CHL1: variants seen among roughly 807,000 people sequenced by gnomAD.
The protein encoded by CHL1 is neural cell adhesion molecule L1-like protein.
CHL1 carries 96 observed loss-of-function variants against 141.9 expected under a neutral mutation model. That is an observed-to-expected ratio of 0.68 (90% CI 0.57 to 0.80). CHL1 has a LOEUF of 0.80. Among genes scored for constraint, CHL1 ranks in the 30% least tolerant of loss-of-function variants. The pLI is 0.00. For synonymous variants in CHL1, 613 were observed against 502.2 expected (o/e 1.22, Z -2.95); for missense variants, 1,820 against 1,457.2 (o/e 1.25, Z -4.05).
chr3:281,080 T>C (rs770413226), intron 2 of CHL1, among the ~76,000 whole-genome samples: 114 of 152,340 alleles, frequency 7.5e-4, no homozygotes, highest in Non-Finnish European at 1.5e-3. Flanking sequence ...TGACTTGTAT[T>C]ACTGGTTTCT....
rs767318584 is a variant in CHL1, at chr3:394,702, C to A, written c.2924C>A (p.Thr975Asn). The A allele has an allele frequency of 1.2e-5, 19 of 1,607,590 alleles. No individual in the cohort carries two copies. The East Asian group carries it at 4.2e-4, about 36-fold the overall frequency. The change falls in exon 24 of 28, where the codon ACC becomes AAC. Residue 975 changes from threonine to asparagine, a missense_variant. Transcript: ENST00000256509. The part of the protein sequence containing the change: ...YLLQYQIIND[T>N]YEIGELNDIN... ...ATGTTTATTTTTTTAGTAAATGACA[C>A]CTACGAGATTGGAGAATTAAATGAT...
At chr3:249,154 G>A (rs1187300560) in intron 2 of CHL1, among the ~76,000 whole-genome samples, 1 of 152,192 alleles carries the variant, frequency 6.6e-6, no homozygotes, top group African/African-American at 2.4e-5. Context: ...TCTTGGAAAG[G>A]AAACAAACCA....
At chr3:248,664 G>A (rs1693404766) in intron 2 of CHL1, 1 of 152,020 alleles carries the variant, frequency 6.6e-6, no homozygotes, top group African/African-American at 2.4e-5. Flanking sequence ...AATCTTCATA[G>A]CCTTTTTTTA....
chr3:395,013 T>A, intron 24 of CHL1, 141 bp downstream of exon 24: 1 of 698,640 alleles, frequency 1.4e-6, no homozygotes, highest in Non-Finnish European at 2.3e-6. Flanking sequence ...TGACCTTCTG[T>A]TTTCCACTGA....
chr3:363,578 A>C, intron 14 of CHL1, 195 bp downstream of exon 14: 1 of 480,240 alleles, frequency 2.1e-6, no homozygotes, highest in Non-Finnish European at 3.7e-6. Flanking sequence ...ATATGTGCAC[A>C]GCTTCATCCT....
At chr3:319,013 T>C (rs1700348133) in intron 2 of CHL1, among the ~76,000 whole-genome samples, 1 of 151,716 alleles carries the variant, frequency 6.6e-6, no homozygotes, top group Non-Finnish European at 1.5e-5. Flanking sequence ...TGCAGCAACA[T>C]GGATGCACCT....
chr3:239,487 A>G (rs944531815), intron 1 of CHL1, among the ~76,000 whole-genome samples: 1 of 152,018 alleles, frequency 6.6e-6, no homozygotes, highest in Non-Finnish European at 1.5e-5. Context: ...TGAAGCTATG[A>G]CATTCATACT....
chr3:317,103 G>T (rs987365442), intron 2 of CHL1, among the ~76,000 whole-genome samples: 4 of 151,952 alleles, frequency 2.6e-5, no homozygotes, highest in Admixed American at 1.3e-4. Flanking sequence ...TTATGTTGTA[G>T]CCTGTGAACA....
chr3:407,279 A>G lies in CHL1; in HGVS notation c.*1568A>G, dbSNP rs1709588199. 6.6e-6 allele frequency: 1 copy of G among 152,068 alleles called. No individual in the cohort carries two copies. The highest frequency in any genetic ancestry group is 2.1e-4 in the South Asian group (1 of 4,826). 9.4% of individuals were successfully genotyped at this position (152,068 alleles called of 1,614,324 possible). A position where few individuals can be genotyped will look rare whatever the true frequency, so the allele number is the denominator to read the frequency against. Reference sequence around the variant, plus strand: ...GTATACTGTTATATCCTCAACTTGGATTTATGGTAACCCCTTATAGTTCAT... The same window carrying G: ...GTATACTGTTATATCCTCAACTTGGGTTTATGGTAACCCCTTATAGTTCAT... On this transcript the variant is annotated 3_prime_UTR_variant, in exon 28 of 28. Coordinates refer to ENST00000256509, the MANE Select transcript of CHL1 (RefSeq NM_006614.4).
chr3:347,417 G>A (rs1702856590), intron 9 of CHL1, among the ~76,000 whole-genome samples: 1 of 152,048 alleles, frequency 6.6e-6, no homozygotes. Context: ...TAAAAAAATT[G>A]GCAAGAATAG....
Position 407,012 on chromosome 3 carries a change from T to C in CHL1, c.*1301T>C, listed in dbSNP as rs1007609770. On this transcript the variant is annotated 3_prime_UTR_variant, in exon 28 of 28. Coordinates refer to ENST00000256509, the MANE Select transcript of CHL1 (RefSeq NM_006614.4). ...TGTGGTGAGAATTTTTTCCCCGATA[T>C]TCTCCTTCTGTCAAAGTCAGAACAA... The C allele has an allele frequency of 2.6e-5, 4 of 152,160 alleles. No individual in the cohort carries two copies. Among genetic ancestry groups the C allele is most frequent in the Admixed American group, 6.6e-5 (1 of 15,248 alleles). 9.4% of individuals were successfully genotyped at this position (152,160 alleles called of 1,614,324 possible). A position where few individuals can be genotyped will look rare whatever the true frequency, so the allele number is the denominator to read the frequency against.
At chr3:316,468 G>A (rs1700160080) in intron 2 of CHL1, among the ~76,000 whole-genome samples, 1 of 151,736 alleles carries the variant, frequency 6.6e-6, no homozygotes, top group Non-Finnish European at 1.5e-5. Context: ...GGTTGGCAGG[G>A]ATGTTTTTTT....
At chr3:362,187 T>C (rs895033003) in intron 13 of CHL1, among the ~76,000 whole-genome samples, 3 of 152,352 alleles carry the variant, frequency 2.0e-5, no homozygotes, top group Non-Finnish European at 4.4e-5. Flanking sequence ...TCGAATTTAA[T>C]TCCAAATGCA....
intron 11 of CHL1, among the ~76,000 whole-genome samples, chr3:355,464 C>T (rs1703628158): frequency 6.6e-6 from 1 of 152,180 alleles, no homozygotes; most frequent in African/African-American, 2.4e-5. Flanking sequence ...CAAGGAGTCC[C>T]CAAATCTTCC....
At chr3:204,997 G>A (rs1699280326) in intron 1 of CHL1, among the ~76,000 whole-genome samples, 1 of 152,076 alleles carries the variant, frequency 6.6e-6, no homozygotes, top group Non-Finnish European at 1.5e-5. Context: ...ACTGCCTACA[G>A]TAGTGAAAAT....
intron 19 of CHL1, among the ~76,000 whole-genome samples, chr3:387,681 G>A (rs1378379546): frequency 1.3e-5 from 2 of 152,110 alleles, no homozygotes; most frequent in South Asian, 2.1e-4. Flanking sequence ...ATTGCAGTAC[G>A]GCACTACAAG....
chr3:197,630 C>A, intron 1 of CHL1: 3 of 346,246 alleles, frequency 8.7e-6, no homozygotes, highest in South Asian at 6.6e-5. Flanking sequence ...GATCCCAGCC[C>A]GGGGGGGGTT....
At chr3:391,974 T>C (rs1481014519) in intron 23 of CHL1, among the ~76,000 whole-genome samples, 177 bp downstream of exon 23, 1 of 152,230 alleles carries the variant, frequency 6.6e-6, no homozygotes, top group East Asian at 1.9e-4. Context: ...GCCTGCTGCC[T>C]GTTTTTAGGA....
At chr3:334,372 A>G (rs76559480) in intron 5 of CHL1, among the ~76,000 whole-genome samples, 29 of 152,220 alleles carry the variant, frequency 1.9e-4, no homozygotes, top group African/African-American at 7.0e-4. Context: ...GTGAAGTATC[A>G]TTATAATGTA....
Sources: gnomAD v4.1 joint callset for allele counts (sites outside exome capture counted in the v4.1 genomes callset) on GRCh38, gnomAD v4.1.1 for gene constraint, MANE v1.5 for transcripts, NCBI Gene and HGNC (gene_info 2026-07-23, HGNC 2026-07-21) for gene names.